Variants in CSMD1 observed in about 807,000 individuals in gnomAD.
The protein encoded by CSMD1 is CUB and Sushi multiple domains 1.
Under a neutral mutation model 417.5 loss-of-function variants are expected in CSMD1, and 213 were observed. The observed-to-expected ratio is 0.51, with a 90% CI of 0.46 to 0.57. The LOEUF (loss-of-function observed/expected upper bound fraction) is 0.57. CSMD1 is among the 20% of genes least tolerant of loss of function. The probability of loss-of-function intolerance (pLI) is 0.00; values close to 1 mark genes in which losing one functional copy is unlikely to be tolerated. For synonymous variants in CSMD1, 2,862 were observed against 1,736.8 expected (o/e 1.65, Z -16.11); for missense variants, 6,923 against 4,529.7 (o/e 1.53, Z -15.17).
chr8:3,484,422 A>G (rs1032958354), intron 11 of CSMD1, among the ~76,000 whole-genome samples: 2 of 152,330 alleles, frequency 1.3e-5, no homozygotes, highest in Admixed American at 6.5e-5. Context: ...CTCATGCCAT[A>G]TACAAAAACT....
intron 29 of CSMD1, among the ~76,000 whole-genome samples, chr8:3,217,817 T>C (rs549813541): frequency 1.7e-4 from 26 of 152,314 alleles, no homozygotes; most frequent in African/African-American, 6.0e-4. Context: ...TAAACAGTTC[T>C]GGTAATGAGG....
At chr8:3,734,339 A>G (rs1283407665) in intron 6 of CSMD1, among the ~76,000 whole-genome samples, 1 of 152,164 alleles carries the variant, frequency 6.6e-6, no homozygotes, top group Non-Finnish European at 1.5e-5. Flanking sequence ...CAAGAGACTG[A>G]TGAGGGCTGT....
intron 21 of CSMD1, among the ~76,000 whole-genome samples, chr8:3,356,512 TA>T (rs754122364): frequency 3.3e-5 from 5 of 152,032 alleles, no homozygotes; most frequent in Non-Finnish European, 5.9e-5. Context: ...CCGTCTTTAC[TA>T]AAAATACAAA....
At chr8:3,608,979 G>A (rs1180451795) in intron 8 of CSMD1, among the ~76,000 whole-genome samples, 3 of 152,016 alleles carry the variant, frequency 2.0e-5, no homozygotes, top group African/African-American at 4.8e-5. Flanking sequence ...ACTCCTCATT[G>A]GCTACTTTGT....
intron 1 of CSMD1, among the ~76,000 whole-genome samples, chr8:4,808,096 A>T (rs1308796189): frequency 6.6e-6 from 1 of 152,156 alleles, no homozygotes; most frequent in Non-Finnish European, 1.5e-5. Flanking sequence ...TAGCATGCTT[A>T]CTTGCAATTA....
intron 23 of CSMD1, among the ~76,000 whole-genome samples, chr8:3,311,463 T>C (rs76254554): frequency 0.039 from 5,685 of 147,460 alleles, 231 homozygotes; most frequent in Admixed American, 0.11. Context: ...TTGTCTAGGC[T>C]TGTCTCAAAC....
intron 2 of CSMD1, among the ~76,000 whole-genome samples, chr8:4,455,748 T>G (rs1464478260): frequency 2.0e-5 from 3 of 151,396 alleles, no homozygotes; most frequent in Non-Finnish European, 4.4e-5. Context: ...CTGGCCAACA[T>G]GGTGAAACCC....
intron 1 of CSMD1, among the ~76,000 whole-genome samples, chr8:4,747,775 G>C (rs917412156): frequency 6.6e-6 from 1 of 152,034 alleles, no homozygotes; most frequent in East Asian, 1.9e-4. Flanking sequence ...GTAAAGCCTG[G>C]GATAGAGGCT....
chr8:4,556,096 T>C (rs1563283168), intron 2 of CSMD1, among the ~76,000 whole-genome samples: 1 of 152,258 alleles, frequency 6.6e-6, no homozygotes, highest in Middle Eastern at 3.4e-3. Context: ...AATGTTTGCA[T>C]CAAATGGAAA....
Position 3,954,079 on chromosome 8 carries a change from A to G in CSMD1, c.818+43824T>C, listed in dbSNP as rs533802460. 6.2e-4 allele frequency among the ~76,000 whole-genome samples: 94 copies of G among 152,230 alleles called. 1 individual carries two copies. The highest frequency in any genetic ancestry group is 2.9e-3 in the South Asian group (14 of 4,828). On this transcript the variant is annotated intron_variant, in intron 5 of 69. Transcript: ENST00000635120. ...CTGTCCCCGGGACCCCGCCTCTAGGAAGCTCGTGCAGGGGCCTAGGAACGT... is the reference window on the plus strand; with the variant it reads ...CTGTCCCCGGGACCCCGCCTCTAGGGAGCTCGTGCAGGGGCCTAGGAACGT...
chr8:4,585,618 C>G (rs922500427), intron 2 of CSMD1, among the ~76,000 whole-genome samples: 1 of 151,874 alleles, frequency 6.6e-6, no homozygotes, highest in Non-Finnish European at 1.5e-5. Flanking sequence ...AAATTTTAAT[C>G]ATAGAAAAAG....
chr8:4,000,759 T>G (rs1025425669), intron 4 of CSMD1, among the ~76,000 whole-genome samples: 3 of 152,002 alleles, frequency 2.0e-5, no homozygotes, highest in Non-Finnish European at 4.4e-5. Context: ...ATTTAATATT[T>G]AGATTTTATT....
chr8:4,135,578 T>C (rs1341056515), intron 3 of CSMD1, among the ~76,000 whole-genome samples: 3 of 152,306 alleles, frequency 2.0e-5, no homozygotes, highest in Non-Finnish European at 4.4e-5. Context: ...GAAATGAGTT[T>C]TGATTCTTAA....
At chr8:4,839,698 T>A (rs1367905400) in intron 1 of CSMD1, among the ~76,000 whole-genome samples, 2 of 152,184 alleles carry the variant, frequency 1.3e-5, no homozygotes, top group African/African-American at 4.8e-5. Context: ...TCTCATGAAC[T>A]CAAAGATAAG....
At chr8:4,037,936 A>C (rs1797702239) in intron 3 of CSMD1, among the ~76,000 whole-genome samples, 1 of 152,196 alleles carries the variant, frequency 6.6e-6, no homozygotes, top group African/African-American at 2.4e-5. Flanking sequence ...AAAGTTTTTC[A>C]AAATTCAGTT....
intron 3 of CSMD1, among the ~76,000 whole-genome samples, chr8:4,319,022 G>A (rs35120588): frequency 0.024 from 3,590 of 152,236 alleles, 60 homozygotes; most frequent in Middle Eastern, 0.054. Context: ...TAACAAAGCG[G>A]CTTGAAGGTA....
chr8:3,248,599 A>G (rs138460958), intron 26 of CSMD1, among the ~76,000 whole-genome samples: 12,996 of 134,742 alleles, frequency 0.096, 741 homozygotes, highest in Middle Eastern at 0.14. Context: ...GCGCGATCTC[A>G]GCTCACTGCA....
At chr8:3,369,180 A>G (rs1809792602) in intron 19 of CSMD1, 74 bp downstream of exon 19, 3 of 705,860 alleles carry the variant, frequency 4.3e-6, no homozygotes, top group Non-Finnish European at 7.6e-6. Flanking sequence ...ACACCGTAAT[A>G]TGTTTTTGTT....
chr8:3,294,583 A>G (rs1227044192), intron 25 of CSMD1, among the ~76,000 whole-genome samples: 1 of 152,072 alleles, frequency 6.6e-6, no homozygotes, highest in Non-Finnish European at 1.5e-5. Context: ...TGTGCTAGCA[A>G]TGAGTGAGGC....
Sources: allele counts gnomAD v4.1 joint callset (sites outside exome capture counted in the v4.1 genomes callset), GRCh38; gene constraint gnomAD v4.1.1; transcripts MANE v1.5; gene names NCBI Gene and HGNC (gene_info 2026-07-23, HGNC 2026-07-21).